Variants in PRDM11 observed in about 807,000 individuals in gnomAD.
PRDM11 encodes the protein PR domain-containing protein 11.
Under a neutral mutation model 97.8 loss-of-function variants are expected in PRDM11, and 20 were observed. The ratio of observed to expected loss-of-function variants is 0.20; its 90% CI spans 0.14 to 0.30. The LOEUF (loss-of-function observed/expected upper bound fraction) is 0.30. Ranked by LOEUF, PRDM11 falls within the 10% of genes least tolerant of loss-of-function variation. The probability of loss-of-function intolerance (pLI) is 1.00; values close to 1 mark genes in which losing one functional copy is unlikely to be tolerated. For missense variants in PRDM11, 1,139 were observed against 1,555.2 expected (o/e 0.73, Z 4.50); for synonymous variants, 599 against 637.7 (o/e 0.94, Z 0.91).
intron 5 of PRDM11, among the ~76,000 whole-genome samples, chr11:45,211,042 A>G (rs975024749): frequency 6.6e-6 from 1 of 152,206 alleles, no homozygotes; most frequent in African/African-American, 2.4e-5. Context: ...CCCCCATGGC[A>G]GGCTCACAGC....
intron 1 of PRDM11, among the ~76,000 whole-genome samples, chr11:45,162,548 G>T (rs1476161736): frequency 6.6e-6 from 1 of 152,184 alleles, no homozygotes; most frequent in African/African-American, 2.4e-5. Flanking sequence ...TTCTGGCTCA[G>T]CAATAACCAC....
At chr11:45,153,677 A>G (rs549837791) in intron 1 of PRDM11, among the ~76,000 whole-genome samples, 6 of 152,362 alleles carry the variant, frequency 3.9e-5, no homozygotes, top group African/African-American at 1.4e-4. Context: ...CTTGTGTTCA[A>G]GGCCAAATAT....
chr11:45,136,721 A>G (rs182371871), intron 1 of PRDM11, among the ~76,000 whole-genome samples: 31 of 152,210 alleles, frequency 2.0e-4, no homozygotes, highest in Non-Finnish European at 7.4e-5. Flanking sequence ...GCCCATCCCA[A>G]CCCCACCCAA....
intron 4 of PRDM11, among the ~76,000 whole-genome samples, chr11:45,192,910 G>T (rs1852966690): frequency 6.6e-6 from 1 of 152,178 alleles, no homozygotes; most frequent in Non-Finnish European, 1.5e-5. Flanking sequence ...AGTTGATGAT[G>T]TGTCACTGAA....
intron 4 of PRDM11, among the ~76,000 whole-genome samples, chr11:45,183,921 A>T (rs919562441): frequency 6.6e-6 from 1 of 152,240 alleles, no homozygotes; most frequent in African/African-American, 2.4e-5. Flanking sequence ...TCCTGCCTTC[A>T]TGGAGTTCTC....
At chr11:45,216,710 A>G (rs1364143582) in intron 5 of PRDM11, among the ~76,000 whole-genome samples, 1 of 152,268 alleles carries the variant, frequency 6.6e-6, no homozygotes, top group Non-Finnish European at 1.5e-5. Context: ...ATAAGCATTG[A>G]TCTGCCTTTG....
intron 1 of PRDM11, among the ~76,000 whole-genome samples, chr11:45,176,584 TAC>T (rs1370661035): frequency 6.6e-6 from 1 of 152,204 alleles, no homozygotes; most frequent in African/African-American, 2.4e-5. Context: ...TTCTCAAGGT[TAC>T]ACAGTTTGTG....
chr11:45,213,723 A>G (rs1299758016), intron 5 of PRDM11: 1 of 456,486 alleles, frequency 2.2e-6, no homozygotes, highest in Admixed American at 2.3e-5. Flanking sequence ...AGTCAGCTCA[A>G]GACAGCCAAG....
chr11:45,126,378 TATG>T (rs1482925706), intron 1 of PRDM11, among the ~76,000 whole-genome samples: 2 of 152,090 alleles, frequency 1.3e-5, no homozygotes, highest in African/African-American at 4.8e-5. Flanking sequence ...ATCCTGTCAT[TATG>T]ATGTTAGCTG....
At chr11:45,094,204 T>C (rs1280463507), upstream of PRDM11, among the ~76,000 whole-genome samples, 1 of 152,196 alleles carries the variant, frequency 6.6e-6, no homozygotes, top group Non-Finnish European at 1.5e-5. Flanking sequence ...TGTGAGTCCC[T>C]TGTCCTCCTC....
chr11:45,127,823 C>A (rs1852614312), intron 1 of PRDM11, among the ~76,000 whole-genome samples: 1 of 152,270 alleles, frequency 6.6e-6, no homozygotes. Flanking sequence ...ACGAGGCAGT[C>A]TGCCCGTTCT....
At chr11:45,138,433 C>T (rs939140928) in intron 1 of PRDM11, among the ~76,000 whole-genome samples, 32 of 152,156 alleles carry the variant, frequency 2.1e-4, no homozygotes, top group Admixed American at 1.8e-3. Context: ...ACAGGTATGG[C>T]GGCATGTGCC....
chr11:45,107,313 T>TTTATCACC (rs577283043), intron 1 of PRDM11, among the ~76,000 whole-genome samples: 1 of 152,326 alleles, frequency 6.6e-6, no homozygotes, highest in South Asian at 2.1e-4. Flanking sequence ...CGAACTCCAC[T>TTTATCACC]TTCTCACCTG....
intron 5 of PRDM11, among the ~76,000 whole-genome samples, chr11:45,217,124 T>C (rs375164629): frequency 1.3e-5 from 2 of 152,198 alleles, no homozygotes; most frequent in African/African-American, 4.8e-5. Flanking sequence ...AACCGCAAGG[T>C]TGATTATTTT....
chr11:45,118,551 C>T (rs1010223382), intron 1 of PRDM11, among the ~76,000 whole-genome samples: 46 of 152,286 alleles, frequency 3.0e-4, no homozygotes, highest in African/African-American at 1.1e-3. Flanking sequence ...CATTCCAAAA[C>T]CAATTCACCT....
At chr11:45,119,087 C>G (rs1464716205) in intron 1 of PRDM11, among the ~76,000 whole-genome samples, 2 of 152,152 alleles carry the variant, frequency 1.3e-5, no homozygotes, top group Non-Finnish European at 2.9e-5. Flanking sequence ...TATTCTTCCA[C>G]AGAAGTTTTC....
chr11:45,134,057 G>A (rs1852777045), intron 1 of PRDM11, among the ~76,000 whole-genome samples: 1 of 152,166 alleles, frequency 6.6e-6, no homozygotes, highest in Admixed American at 6.5e-5. Flanking sequence ...AGAGGGCAAG[G>A]CACACATGGG....
intron 5 of PRDM11, chr11:45,212,932 C>T (rs1853814596): frequency 2.5e-6 from 1 of 406,332 alleles, no homozygotes; most frequent in South Asian, 1.8e-5. Context: ...CTACGGGCTC[C>T]ACTCCCCAGG....
intron 1 of PRDM11, among the ~76,000 whole-genome samples, chr11:45,157,054 G>A (rs1190432423): frequency 6.6e-6 from 1 of 152,152 alleles, no homozygotes; most frequent in Non-Finnish European, 1.5e-5. Context: ...CTGGAGGCAC[G>A]GGGGAGCTGT....
Sources: allele counts gnomAD v4.1 joint callset (sites outside exome capture counted in the v4.1 genomes callset), GRCh38; gene constraint gnomAD v4.1.1; transcripts MANE v1.5; gene names NCBI Gene and HGNC (gene_info 2026-07-23, HGNC 2026-07-21).